NLRP13: variants seen among roughly 807,000 people sequenced by gnomAD.
NLRP13 encodes NACHT, LRR and PYD domains-containing protein 13.
In NLRP13, 82 loss-of-function variants were observed where a neutral mutation model predicts 94.4. That is an observed-to-expected ratio of 0.87 (90% confidence interval 0.73 to 1.04). The LOEUF is 1.04. NLRP13 is among the 50% of genes least tolerant of loss of function. The probability of loss-of-function intolerance (pLI) is 0.00; values close to 1 mark genes in which losing one functional copy is unlikely to be tolerated. For missense variants in NLRP13, 1,426 were observed against 1,230.8 expected (o/e 1.16, Z -2.37); for synonymous variants, 553 against 464.7 (o/e 1.19, Z -2.45).
At chr19:55,902,574 C>G (rs1021142216) in intron 8 of NLRP13, among the ~76,000 whole-genome samples, 2 of 152,188 alleles carry the variant, frequency 1.3e-5, no homozygotes, top group Non-Finnish European at 2.9e-5. Flanking sequence ...CTCCTTTCAG[C>G]CTTCATTGCC....
chr19:55,913,345 G>A (rs747445987), intron 4 of NLRP13, 52 bp from the exon 5 acceptor site: 12 of 1,544,212 alleles, frequency 7.8e-6, no homozygotes, highest in Non-Finnish European at 1.0e-5. Context: ...TTCAGAGTTA[G>A]GAATGATTCA....
Position 55,910,667 on chromosome 19 carries a change from C to A in NLRP13, c.2178G>T (p.Glu726Asp). The change falls in exon 6 of 11, where the codon GAG (glutamate) becomes GAT (aspartate). Residue 726 changes from glutamate to aspartate, a missense_variant. Physicochemically the swap from Glu to Asp is conservative, Grantham distance 45. Coordinates refer to ENST00000342929, the MANE Select transcript of NLRP13 (RefSeq NM_176810.2). ...NSICSTLVTN[E>D]NLHELDLSNS... ...TACTCAGGTCTAGCTCATGCAGATT[C>A]TCATTTGTGACCAACGTAGAGCAAA... 2 of 1,613,978 alleles carry A rather than the reference C, an allele frequency of 1.2e-6. No homozygotes were observed. Among genetic ancestry groups the A allele is most frequent in the South Asian group, 2.2e-5 (2 of 91,072 alleles).
intron 9 of NLRP13, among the ~76,000 whole-genome samples, chr19:55,900,302 A>G (rs1481709045): frequency 6.6e-6 from 1 of 152,234 alleles, no homozygotes; most frequent in Non-Finnish European, 1.5e-5. Context: ...GTTTTTATCA[A>G]TGGTTGTCAG....
In NLRP13 at chr19:55,910,722, A is replaced by G; in HGVS notation, c.2123T>C (p.Phe708Ser). Residue 708 changes from phenylalanine to serine, a missense_variant, in exon 6 of 11, where the codon TTT becomes TCT. Phe to Ser is a radical substitution (Grantham distance 155). Transcript: ENST00000342929. ...GTTCCATGCGTGCATCCTGGAATCAAACTTGCTTGTCCTTCATGAGGGAGA... is the reference window on the plus strand; with the variant it reads ...GTTCCATGCGTGCATCCTGGAATCAGACTTGCTTGTCCTTCATGAGGGAGA... ...RDLEILETSK[F>S]DSRMHAWNSI... The G allele has an allele frequency of 6.2e-7, 1 of 1,607,828 alleles. No individual in the cohort carries two copies. Among genetic ancestry groups the G allele is most frequent in the Non-Finnish European group, 8.5e-7 (1 of 1,175,228 alleles).
At chr19:55,920,309 AAAAC>A (rs1237557716) in intron 4 of NLRP13, among the ~76,000 whole-genome samples, 1 of 152,218 alleles carries the variant, frequency 6.6e-6, no homozygotes, top group Non-Finnish European at 1.5e-5. Context: ...AAATGCAAGA[AAAAC>A]AAAAATAAAC....
rs1049893493 is a variant in NLRP13 at position 55,907,709 on chromosome 19, G to T, written c.2447+83C>A. 3.9e-6 allele frequency: 5 copies of T among 1,298,606 alleles called. 1 individual carries two copies. Among genetic ancestry groups the T allele is most frequent in the South Asian group, 3.7e-5 (3 of 81,694 alleles). The allele number at this position is 1,298,606 out of a possible 1,614,324, so 80.4% of individuals were successfully genotyped here. Reference sequence around the variant, plus strand: ...GTCTCCTTTTGCTACAAGGCTGAGTGCTGTCAGCCCTCCCAGTGGATCGTG... The same window carrying T: ...GTCTCCTTTTGCTACAAGGCTGAGTTCTGTCAGCCCTCCCAGTGGATCGTG... On this transcript the variant is annotated intron_variant, in intron 7 of 10. Coordinates refer to ENST00000342929, the MANE Select transcript of NLRP13 (RefSeq NM_176810.2).
chr19:55,910,519 T>G, intron 6 of NLRP13, 44 bp downstream of exon 6: 1 of 1,482,082 alleles, frequency 6.7e-7, no homozygotes, highest in Non-Finnish European at 9.1e-7. Flanking sequence ...AGTTGGGAGA[T>G]TCTCCTAGGG....
intron 8 of NLRP13, among the ~76,000 whole-genome samples, chr19:55,904,006 A>AT (rs1489309886): frequency 6.6e-6 from 1 of 152,200 alleles, no homozygotes; most frequent in Admixed American, 6.5e-5. Flanking sequence ...ACAGCCCAGC[A>AT]TATCCCAGGC....
Position 55,912,042 on chromosome 19 carries a change from A to G in NLRP13, c.1775T>C (p.Leu592Ser). 6.2e-7 allele frequency: 1 copy of G among 1,614,132 alleles called. No homozygotes were observed. The highest frequency in any genetic ancestry group is 8.5e-7 in the Non-Finnish European group (1 of 1,180,024). Residue 592 changes from leucine (L) to serine (S), a missense_variant, in exon 5 of 11, where the codon TTA becomes TCA. Leu to Ser is a moderately radical substitution (Grantham distance 145). Coordinates refer to ENST00000342929, the MANE Select transcript of NLRP13 (RefSeq NM_176810.2). ...CAGTTCTCTTGCTATGTTTTTATTTAAAAGACCAAAGAAGAACAGAACCAC... is the reference window on the plus strand; with the variant it reads ...CAGTTCTCTTGCTATGTTTTTATTTGAAAGACCAAAGAAGAACAGAACCAC... ...TPVVLFFFGL[L>S]NKNIARELED...
chr19:55,896,080 A>T lies in NLRP13; in HGVS notation c.2997T>A (p.His999Gln). ...KCNLTTACCQ[H>Q]LFSVLSSSKS... ...TACTGCTGCTGAGAACAGAGAAGAG[A>T]TGCTGGCAGCAAGCAGTTGTCAGAT... The change falls in exon 11 of 11, where the codon CAT becomes CAA. Residue 999 changes from histidine to glutamine, a missense_variant. His to Gln is a conservative substitution (Grantham distance 24, BLOSUM62 0). Transcript: ENST00000342929. The T allele has an allele frequency of 1.2e-6, 2 of 1,614,162 alleles. No homozygotes were observed. Among genetic ancestry groups the T allele is most frequent in the African/African-American group, 2.7e-5 (2 of 75,060 alleles).
chr19:55,912,866 G>A lies in NLRP13; in HGVS notation c.951C>T (p.Ile317=), dbSNP rs755794031. The part of the protein sequence containing the change: ...LFIIDGFEEI[I]ISESRSESLD... The stretch of plus-strand genomic sequence containing the variant: ...AGCTCTCAGAGCGTGACTCAGATAT[G>A]ATTATTTCCTCAAAGCCATCAATAA... Residue 317 remains isoleucine, a synonymous_variant, in exon 5 of 11, where the codon ATC becomes ATT. Coordinates refer to ENST00000342929, the MANE Select transcript of NLRP13 (RefSeq NM_176810.2). 1.2e-6 allele frequency: 2 copies of A among 1,614,150 alleles called. No homozygotes were observed. The highest frequency in any genetic ancestry group is 2.2e-5 in the East Asian group (1 of 44,880).
At chr19:55,893,436 A>C (rs1427285439), downstream of NLRP13, among the ~76,000 whole-genome samples, 1 of 152,182 alleles carries the variant, frequency 6.6e-6, no homozygotes, top group East Asian at 1.9e-4. Flanking sequence ...CACTGCATTA[A>C]AAGTAATAGC....
intron 1 of NLRP13, among the ~76,000 whole-genome samples, chr19:55,926,669 T>G (rs1181238524): frequency 6.6e-6 from 1 of 152,152 alleles, no homozygotes; most frequent in Non-Finnish European, 1.5e-5. Flanking sequence ...TAAGTCAATG[T>G]GGTCCCTGTT....
At chr19:55,921,857 G>A (rs982566587) in intron 4 of NLRP13, among the ~76,000 whole-genome samples, 2 of 152,172 alleles carry the variant, frequency 1.3e-5, no homozygotes, top group Non-Finnish European at 2.9e-5. Flanking sequence ...AGCTGGAAGA[G>A]ACCAGAACAG....
At chr19:55,895,350 C>CA (rs1438111195), downstream of NLRP13, among the ~76,000 whole-genome samples, 1 of 151,844 alleles carries the variant, frequency 6.6e-6, no homozygotes, top group Non-Finnish European at 1.5e-5. Context: ...CACTGCACTC[C>CA]AGCCTGGGTG....
In NLRP13 at chr19:55,912,972, G is replaced by C. The variant is rs753148509; in HGVS notation, c.845C>G (p.Ala282Gly). 1.2e-6 allele frequency: 2 copies of C among 1,614,158 alleles called. No homozygotes were observed. The highest frequency in any genetic ancestry group is 1.7e-6 in the Non-Finnish European group (2 of 1,179,990). Residue 282 changes from alanine (A) to glycine (G), a missense_variant, in exon 5 of 11, where the codon GCT becomes GGT. Coordinates refer to ENST00000342929, the MANE Select transcript of NLRP13 (RefSeq NM_176810.2). Reference sequence around the variant, plus strand: ...GGGCCAATCCAAAGAAATCAATTCAGCAAAGGTAGTTTCCTTCATGTACCT... The same window carrying C: ...GGGCCAATCCAAAGAAATCAATTCACCAAAGGTAGTTTCCTTCATGTACCT... ...KIRYMKETTF[A>G]ELISLDWPDF... is the part of the protein sequence containing the mutation.
chr19:55,931,905 T>G lies in NLRP13; in HGVS notation c.319+88A>C. On this transcript the variant is annotated intron_variant, in intron 1 of 10. Coordinates refer to ENST00000342929, the MANE Select transcript of NLRP13 (RefSeq NM_176810.2). ...GATTTGTAGGGGGAGATCGGCAGTG[T>G]GGAATGACCCCACAAAAACCCAGCG... The G allele has an allele frequency of 1.1e-5, 12 of 1,097,502 alleles. No individual in the cohort carries two copies. The South Asian group carries it at 1.6e-4, about 14-fold the overall frequency. 68.0% of individuals were successfully genotyped at this position (1,097,502 alleles called of 1,614,324 possible).
rs752641871 is a variant in NLRP13, at chr19:55,912,142, G to A, written c.1675C>T (p.His559Tyr). ...TTCATCTCTTGTGGCTTTGTGGAAT[G>A]GGGAGGGAATTCTCTAGGTTCCTCT... The part of the protein sequence containing the change: ...VLEEPREFPP[H>Y]STKPQEMKML... Residue 559 changes from histidine (H) to tyrosine (Y), a missense_variant, in exon 5 of 11, where the codon CAT becomes TAT. Physicochemically the swap from His to Tyr is moderately conservative, Grantham distance 83 (BLOSUM62 2). Coordinates refer to ENST00000342929, the MANE Select transcript of NLRP13 (RefSeq NM_176810.2). The A allele has an allele frequency of 6.2e-7, 1 of 1,614,198 alleles. No individual in the cohort carries two copies. The highest frequency in any genetic ancestry group is 8.5e-7 in the Non-Finnish European group (1 of 1,180,040).
intron 9 of NLRP13, among the ~76,000 whole-genome samples, chr19:55,899,742 T>G (rs1321930003): frequency 5.3e-5 from 8 of 152,126 alleles, no homozygotes; most frequent in Non-Finnish European, 2.9e-5. Context: ...ATTGCACCAT[T>G]GTACTCCAGC....
Sources: gnomAD v4.1 joint callset for allele counts (sites outside exome capture counted in the v4.1 genomes callset) on GRCh38, gnomAD v4.1.1 for gene constraint, MANE v1.5 for transcripts, NCBI Gene and HGNC (gene_info 2026-07-23, HGNC 2026-07-21) for gene names.